The following ZNF292 variants were observed in gnomAD, a reference collection of about 807,000 sequenced individuals.
The protein encoded by ZNF292 is 16 zinc-finger domain protein.
In ZNF292, 26 loss-of-function variants were observed where a neutral mutation model predicts 217.9. That is an observed-to-expected ratio of 0.12 (90% CI 0.09 to 0.17). ZNF292 has a LOEUF of 0.17. Ranked by LOEUF, ZNF292 falls within the 10% of genes least tolerant of loss-of-function variation. The pLI is 1.00. For synonymous variants in ZNF292, 1,257 were observed against 1,124.1 expected (o/e 1.12, Z -2.37); for missense variants, 2,904 against 3,175.2 (o/e 0.91, Z 2.05).
chr6:87,226,782 G>A (rs983746935), intron 4 of ZNF292, among the ~76,000 whole-genome samples: 4 of 151,402 alleles, frequency 2.6e-5, no homozygotes, highest in Non-Finnish European at 4.4e-5. Context: ...GGATTCAAGC[G>A]ATTCTCCTCC....
chr6:87,159,558 A>G (rs997742789), intron 1 of ZNF292, among the ~76,000 whole-genome samples: 1 of 148,810 alleles, frequency 6.7e-6, no homozygotes, highest in Non-Finnish European at 1.5e-5. Flanking sequence ...GCTGGTGTGC[A>G]ATGGCGCAAT....
chr6:87,173,960 C>G (rs1042278651), intron 1 of ZNF292: 4 of 250,894 alleles, frequency 1.6e-5, no homozygotes, highest in African/African-American at 9.4e-5. Context: ...ACCTTTTACC[C>G]TGGTTCAGGG....
Position 87,257,757 on chromosome 6 carries a change from C to T in ZNF292, c.4128C>T (p.Ile1376=). Residue 1376 remains isoleucine (I), a synonymous_variant, in exon 8 of 8, where the codon ATC becomes ATT. Transcript: ENST00000369577. ...CAATTATCAGAGATGGGAAATTTAT[C>T]TGTAGCAGGTGTTACAGGGCTTTTA... is the stretch of plus-strand genomic sequence containing the variant. ...WPAIIRDGKF[I]CSRCYRAFTN... is the part of the protein sequence containing the mutation. The T allele has an allele frequency of 6.2e-7, 1 of 1,613,762 alleles. No homozygotes were observed. Among genetic ancestry groups the T allele is most frequent in the Non-Finnish European group, 8.5e-7 (1 of 1,179,790 alleles).
intron 7 of ZNF292, among the ~76,000 whole-genome samples, chr6:87,249,640 G>C (rs1481228661): frequency 2.6e-5 from 4 of 152,074 alleles, no homozygotes; most frequent in African/African-American, 9.7e-5. Context: ...ATTAGATTCT[G>C]GTGTAATAAC....
intron 1 of ZNF292, among the ~76,000 whole-genome samples, chr6:87,208,573 ATGATTTCTCT>A (rs1198621527): frequency 2.0e-5 from 3 of 147,336 alleles, no homozygotes; most frequent in Middle Eastern, 3.4e-3. Flanking sequence ...TTCTTCCTGC[ATGATTTCTCT>A]TTATTCAAAG....
intron 1 of ZNF292, among the ~76,000 whole-genome samples, chr6:87,186,973 T>G (rs1438551049): frequency 6.6e-6 from 1 of 152,196 alleles, no homozygotes; most frequent in Non-Finnish European, 1.5e-5. Context: ...AGGGTAAGAC[T>G]AGAGCCTTTG....
chr6:87,192,547 C>T (rs1771848848), intron 1 of ZNF292, among the ~76,000 whole-genome samples: 1 of 152,090 alleles, frequency 6.6e-6, no homozygotes, highest in South Asian at 2.1e-4. Context: ...CCAGACCCCT[C>T]TAGGAAACCC....
chr6:87,216,745 A>AT (rs1259274533), intron 3 of ZNF292, among the ~76,000 whole-genome samples: 1 of 151,974 alleles, frequency 6.6e-6, no homozygotes, highest in African/African-American at 2.4e-5. Context: ...ATTTGTGTGG[A>AT]TAGGTATATT....
intron 4 of ZNF292, among the ~76,000 whole-genome samples, chr6:87,229,420 T>C (rs980671787): frequency 6.6e-6 from 1 of 152,166 alleles, no homozygotes; most frequent in Non-Finnish European, 1.5e-5. Flanking sequence ...TGCTGAATTG[T>C]TTCTTTCTTT....
chr6:87,208,881 G>T (rs4110985), intron 1 of ZNF292, among the ~76,000 whole-genome samples: 1 of 152,048 alleles, frequency 6.6e-6, no homozygotes, highest in Non-Finnish European at 1.5e-5. Context: ...GAAAAAAGGG[G>T]CTTGCTGTCT....
rs577289901 is a variant in ZNF292, at chr6:87,239,378, G to A, written c.742-4097G>A. On this transcript the variant is annotated intron_variant, in intron 5 of 7. Coordinates refer to ENST00000369577, the MANE Select transcript of ZNF292 (RefSeq NM_015021.3). ...CCCCCACCTCCCTCCCTGACGGGGC[G>A]GCTGGCGGGCCGGGGGCTGGCCCCC... 4.7e-5 allele frequency among the ~76,000 whole-genome samples: 7 copies of A among 149,530 alleles called. No individual in the cohort carries two copies. The South Asian group carries it at 1.0e-3, about 22-fold the overall frequency.
rs114833219 is a variant in ZNF292, at chr6:87,174,098, C to T, written c.168+18339C>T. The T allele has an allele frequency of 6.9e-3, 1,147 of 165,752 alleles. 22 individuals are homozygous for T. The highest frequency in any genetic ancestry group is 0.026 in the African/African-American group (1,035 of 39,308). 10.3% of individuals were successfully genotyped at this position (165,752 alleles called of 1,614,324 possible). A position where few individuals can be genotyped will look rare whatever the true frequency, so the allele number is the denominator to read the frequency against. Reference sequence around the variant, plus strand: ...CACCTAAAAGGCTCTCAGAATAGTGCAGGAGCTTCACATTAAGCTTCTCTG... The same window carrying T: ...CACCTAAAAGGCTCTCAGAATAGTGTAGGAGCTTCACATTAAGCTTCTCTG... On this transcript the variant is annotated intron_variant, in intron 1 of 7. Transcript: ENST00000369577.
intron 1 of ZNF292, among the ~76,000 whole-genome samples, chr6:87,172,488 C>A (rs1270711588): frequency 6.6e-6 from 1 of 152,034 alleles, no homozygotes; most frequent in Admixed American, 6.5e-5. Flanking sequence ...TCATTAGCAC[C>A]CTGGAGACTA....
intron 1 of ZNF292, among the ~76,000 whole-genome samples, chr6:87,160,357 G>A (rs1770691443): frequency 6.6e-6 from 1 of 152,148 alleles, no homozygotes; most frequent in African/African-American, 2.4e-5. Flanking sequence ...CTATATACTG[G>A]ACTGGCCGAC....
intron 7 of ZNF292, among the ~76,000 whole-genome samples, chr6:87,248,481 G>A (rs1162789802): frequency 6.6e-6 from 1 of 152,104 alleles, no homozygotes; most frequent in Non-Finnish European, 1.5e-5. Context: ...GGGAGTGCAC[G>A]CCTGAGTCCC....
chr6:87,180,287 G>A (rs1771435716), intron 1 of ZNF292, among the ~76,000 whole-genome samples: 1 of 152,262 alleles, frequency 6.6e-6, no homozygotes, highest in Non-Finnish European at 1.5e-5. Flanking sequence ...TTTATGTGAT[G>A]TTAATTTTGT....
Position 87,261,910 on chromosome 6 carries a change from A to G in ZNF292, c.*109A>G. ...TTATATTTTTTTGTTGTTGACATGA[A>G]TTAACCTGGCCAAAAACAAAAAAGA... On this transcript the variant is annotated 3_prime_UTR_variant, in exon 8 of 8. Transcript: ENST00000369577. The G allele has an allele frequency of 1.2e-6, 1 of 861,574 alleles. No individual in the cohort carries two copies. Among genetic ancestry groups the G allele is most frequent in the South Asian group, 3.4e-5 (1 of 29,702 alleles). The allele number at this position is 861,574 out of a possible 1,614,324, so 53.4% of individuals were successfully genotyped here. A position where few individuals can be genotyped will look rare whatever the true frequency, so the allele number is the denominator to read the frequency against.
intron 1 of ZNF292, among the ~76,000 whole-genome samples, chr6:87,179,908 T>C (rs1306726288): frequency 6.6e-6 from 1 of 152,240 alleles, no homozygotes; most frequent in Admixed American, 6.5e-5. Context: ...TAATTTAATG[T>C]GTATTTCTAG....
intron 1 of ZNF292, among the ~76,000 whole-genome samples, chr6:87,169,294 G>A (rs1428834830): frequency 1.3e-5 from 2 of 151,992 alleles, no homozygotes; most frequent in East Asian, 1.9e-4. Flanking sequence ...GCTCGCCTCA[G>A]CCTCCGAAAG....
Sources: gnomAD v4.1 joint callset for allele counts (sites outside exome capture counted in the v4.1 genomes callset) on GRCh38, gnomAD v4.1.1 for gene constraint, MANE v1.5 for transcripts, NCBI Gene and HGNC (gene_info 2026-07-23, HGNC 2026-07-21) for gene names.